HS3ST4: variants seen among roughly 807,000 people sequenced by gnomAD.
HS3ST4 encodes the protein heparan sulfate-glucosamine 3-sulfotransferase 4.
HS3ST4 carries 17 observed loss-of-function variants against 29.2 expected under a neutral mutation model. The observed-to-expected ratio is 0.58, with a 90% CI of 0.40 to 0.87. HS3ST4 has a LOEUF of 0.87. HS3ST4 is among the 40% of genes least tolerant of loss of function. The pLI, the probability that HS3ST4 is intolerant of heterozygous loss-of-function variation, is 0.00. For synonymous variants in HS3ST4, 314 were observed against 285.7 expected (o/e 1.10, Z -1.00); for missense variants, 627 against 634.5 (o/e 0.99, Z 0.13).
intron 1 of HS3ST4, chr16:26,062,881 C>G (rs530981937): frequency 3.9e-6 from 1 of 257,334 alleles, no homozygotes; most frequent in African/African-American, 2.3e-5. Flanking sequence ...ATTCTGGCAC[C>G]AAAGTTGGAG....
intron 1 of HS3ST4, among the ~76,000 whole-genome samples, chr16:25,871,885 A>G (rs62036319): frequency 0.27 from 40,952 of 152,062 alleles, 6,036 homozygotes; most frequent in East Asian, 0.42. Flanking sequence ...TGAAGACAAG[A>G]TGATTTTTCA....
intron 1 of HS3ST4, among the ~76,000 whole-genome samples, chr16:25,716,856 C>T (rs1214060467): frequency 6.6e-6 from 1 of 152,124 alleles, no homozygotes; most frequent in East Asian, 1.9e-4. Context: ...GAGTTTGAGA[C>T]CAGCCTGGCC....
intron 1 of HS3ST4, among the ~76,000 whole-genome samples, chr16:25,745,496 C>T (rs1412457114): frequency 6.6e-6 from 1 of 152,126 alleles, no homozygotes. Context: ...GAATCCTGGG[C>T]CATGTCCTAT....
At chr16:26,022,785 T>A (rs968300154) in intron 1 of HS3ST4, among the ~76,000 whole-genome samples, 2 of 152,108 alleles carry the variant, frequency 1.3e-5, no homozygotes, top group Non-Finnish European at 2.9e-5. Context: ...TGTGCTGAGA[T>A]TATACCACAC....
intron 1 of HS3ST4, among the ~76,000 whole-genome samples, chr16:26,025,722 T>C (rs1204992871): frequency 1.3e-5 from 2 of 152,208 alleles, no homozygotes; most frequent in Non-Finnish European, 1.5e-5. Context: ...GGAATTCAGT[T>C]TACCAAGGAA....
intron 1 of HS3ST4, among the ~76,000 whole-genome samples, chr16:25,850,086 G>A (rs1220699705): frequency 1.4e-5 from 2 of 147,498 alleles, no homozygotes; most frequent in East Asian, 2.0e-4. Flanking sequence ...TGCAACCTCC[G>A]CCTCCCTGGT....
chr16:26,050,371 T>A (rs952226523), intron 1 of HS3ST4, among the ~76,000 whole-genome samples: 2 of 152,110 alleles, frequency 1.3e-5, no homozygotes, highest in Non-Finnish European at 2.9e-5. Flanking sequence ...CCTGAAATCA[T>A]CCCATAAGCT....
At chr16:25,942,827 G>A (rs1596621401) in intron 1 of HS3ST4, among the ~76,000 whole-genome samples, 1 of 151,810 alleles carries the variant, frequency 6.6e-6, no homozygotes, top group Admixed American at 6.6e-5. Context: ...CTGCTATGTT[G>A]CCCAGGCTGG....
intron 1 of HS3ST4, among the ~76,000 whole-genome samples, chr16:25,993,937 C>T (rs985669356): frequency 6.8e-6 from 1 of 146,544 alleles, no homozygotes; most frequent in East Asian, 2.0e-4. Context: ...CTTGCCTATG[C>T]TCACATAACC....
intron 1 of HS3ST4, among the ~76,000 whole-genome samples, chr16:25,768,495 GT>G (rs1219630897): frequency 6.6e-6 from 1 of 152,164 alleles, no homozygotes; most frequent in African/African-American, 2.4e-5. Context: ...CTCACCAGGT[GT>G]GAGCCGACCA....
At chr16:25,989,647 A>T (rs1969097497) in intron 1 of HS3ST4, among the ~76,000 whole-genome samples, 1 of 152,238 alleles carries the variant, frequency 6.6e-6, no homozygotes, top group Non-Finnish European at 1.5e-5. Flanking sequence ...AAGGTCCCGT[A>T]TGAGGCCTAA....
chr16:25,906,921 G>T (rs960657360), intron 1 of HS3ST4, among the ~76,000 whole-genome samples: 1 of 152,204 alleles, frequency 6.6e-6, no homozygotes, highest in Non-Finnish European at 1.5e-5. Context: ...GGGGCTGGGT[G>T]CAGTGGCTCA....
At chr16:25,741,717 A>G (rs1212681696) in intron 1 of HS3ST4, among the ~76,000 whole-genome samples, 1 of 152,134 alleles carries the variant, frequency 6.6e-6, no homozygotes, top group East Asian at 1.9e-4. Context: ...TTATGCTGTA[A>G]TAAAAAGGCA....
At chr16:26,058,023 C>CT (rs748632346) in intron 1 of HS3ST4, among the ~76,000 whole-genome samples, 9 of 151,866 alleles carry the variant, frequency 5.9e-5, no homozygotes, top group Non-Finnish European at 1.0e-4. Flanking sequence ...GAAGTCCTCT[C>CT]TGAGATTTAA....
intron 1 of HS3ST4, among the ~76,000 whole-genome samples, chr16:26,019,944 C>T (rs1475865019): frequency 3.3e-5 from 5 of 152,188 alleles, no homozygotes; most frequent in Non-Finnish European, 7.3e-5. Flanking sequence ...GACTGACACC[C>T]ACTTCACTTT....
At chr16:25,889,223 C>G (rs1334198658) in intron 1 of HS3ST4, among the ~76,000 whole-genome samples, 2 of 152,180 alleles carry the variant, frequency 1.3e-5, no homozygotes, top group Non-Finnish European at 2.9e-5. Flanking sequence ...TGGATTACAA[C>G]TGAATCTTTT....
rs564669905 is a variant in HS3ST4, at chr16:25,946,245, G to A, written c.735-189367G>A. Among the ~76,000 whole-genome samples the A allele has an allele frequency of 2.0e-5, 3 of 152,294 alleles. No individual in the cohort carries two copies. In the South Asian group the frequency reaches 6.2e-4, roughly 32 times the overall value. On this transcript the variant is annotated intron_variant, in intron 1 of 1. Transcript: ENST00000331351. ...TAAAATTACAGTGCAGATGTTGAGG[G>A]ACATGGGATGAACACCCATCACATA...
intron 1 of HS3ST4, among the ~76,000 whole-genome samples, chr16:25,861,109 T>G (rs1967631954): frequency 6.6e-6 from 1 of 152,190 alleles, no homozygotes; most frequent in Non-Finnish European, 1.5e-5. Flanking sequence ...TATGTTAGGG[T>G]GCAGATGTGA....
At chr16:25,880,650 T>TC (rs1249053595) in intron 1 of HS3ST4, among the ~76,000 whole-genome samples, 5 of 152,046 alleles carry the variant, frequency 3.3e-5, no homozygotes, top group Non-Finnish European at 7.4e-5. Flanking sequence ...ATTTGTCACC[T>TC]CCCCCTCCCC....
Sources: allele counts gnomAD v4.1 joint callset (sites outside exome capture counted in the v4.1 genomes callset), GRCh38; gene constraint gnomAD v4.1.1; transcripts MANE v1.5; gene names NCBI Gene and HGNC (gene_info 2026-07-23, HGNC 2026-07-21).